ST6GALNAC3: variants seen among roughly 807,000 people sequenced by gnomAD.
ST6GALNAC3 encodes alpha-N-acetylgalactosaminide alpha-2,6-sialyltransferase 3.
A neutral mutation model predicts 32.7 loss-of-function variants in ST6GALNAC3; 25 were observed. That is an observed-to-expected ratio of 0.76 (90% CI 0.56 to 1.07). The LOEUF is 1.07. Ranked by LOEUF, ST6GALNAC3 falls within the 50% of genes least tolerant of loss-of-function variation. The pLI is 0.00. For synonymous variants in ST6GALNAC3, 129 were observed against 133.1 expected, an observed-to-expected ratio of 0.97 and a Z score of 0.21; for missense variants, 355 against 382.4, an observed-to-expected ratio of 0.93 and a Z score of 0.60.
At chr1:76,513,800 C>A (rs1571478068) in intron 3 of ST6GALNAC3, among the ~76,000 whole-genome samples, 1 of 152,116 alleles carries the variant, frequency 6.6e-6, no homozygotes, top group South Asian at 2.1e-4. Flanking sequence ...TATGTGATAT[C>A]TTTCCATTTA....
chr1:76,408,224 G>C (rs897220761), intron 2 of ST6GALNAC3, among the ~76,000 whole-genome samples: 3 of 151,960 alleles, frequency 2.0e-5, no homozygotes, highest in Admixed American at 6.6e-5. Context: ...GCAAGTAAGT[G>C]GTAAAATAGA....
chr1:76,258,773 G>A (rs1658063654), intron 1 of ST6GALNAC3, among the ~76,000 whole-genome samples: 1 of 152,174 alleles, frequency 6.6e-6, no homozygotes, highest in Non-Finnish European at 1.5e-5. Flanking sequence ...AGAAAGCACA[G>A]TGAGCCCAAA....
intron 1 of ST6GALNAC3, among the ~76,000 whole-genome samples, chr1:76,255,746 G>A (rs1245776412): frequency 6.6e-6 from 1 of 152,062 alleles, no homozygotes; most frequent in African/African-American, 2.4e-5. Context: ...GAAACTGTGG[G>A]TGCTTATGCT....
At chr1:76,524,907 T>G (rs911809282) in intron 3 of ST6GALNAC3, among the ~76,000 whole-genome samples, 2 of 151,940 alleles carry the variant, frequency 1.3e-5, no homozygotes, top group Non-Finnish European at 2.9e-5. Context: ...TGATATATAT[T>G]TTGGTTATCT....
intron 2 of ST6GALNAC3, among the ~76,000 whole-genome samples, chr1:76,383,303 C>T (rs4426021): frequency 0.62 from 94,159 of 151,960 alleles, 30,558 homozygotes; most frequent in Non-Finnish European, 0.72. Context: ...CAGAGTCTTG[C>T]TCTGTCACCC....
intron 1 of ST6GALNAC3, among the ~76,000 whole-genome samples, chr1:76,164,303 C>T (rs1651992308): frequency 6.6e-6 from 1 of 152,080 alleles, no homozygotes; most frequent in African/African-American, 2.4e-5. Context: ...ATGTCACTCA[C>T]AGATCATGTA....
chr1:76,080,562 A>G (rs1355464512), intron 1 of ST6GALNAC3, among the ~76,000 whole-genome samples: 1 of 151,820 alleles, frequency 6.6e-6, no homozygotes, highest in African/African-American at 2.4e-5. Context: ...AGGGAAAAAG[A>G]GAAGTGTAGG....
At chr1:76,185,933 TA>T (rs1337161530) in intron 1 of ST6GALNAC3, among the ~76,000 whole-genome samples, 1 of 152,252 alleles carries the variant, frequency 6.6e-6, no homozygotes, top group Non-Finnish European at 1.5e-5. Context: ...GTATTATAAG[TA>T]ATCTAGAGAT....
intron 1 of ST6GALNAC3, among the ~76,000 whole-genome samples, chr1:76,235,530 A>G (rs35232969): frequency 6.6e-6 from 1 of 151,856 alleles, no homozygotes; most frequent in Non-Finnish European, 1.5e-5. Context: ...AAAATAAAAT[A>G]CAATAAAATT....
intron 2 of ST6GALNAC3, among the ~76,000 whole-genome samples, chr1:76,410,217 C>A (rs546549266): frequency 6.6e-6 from 1 of 152,298 alleles, no homozygotes; most frequent in East Asian, 1.9e-4. Context: ...GCCTCAGTAC[C>A]TACTTGGCTC....
At position 76,631,133 on chromosome 1, in the gene ST6GALNAC3, T is replaced by C; in HGVS notation, c.*2327T>C. 2 of 676,888 alleles carry C rather than the reference T, an allele frequency of 3.0e-6. No individual in the cohort carries two copies. Among genetic ancestry groups the C allele is most frequent in the South Asian group, 1.3e-4 (2 of 15,042 alleles). The allele number at this position is 676,888 out of a possible 1,614,324, so 41.9% of individuals were successfully genotyped here. A position where few individuals can be genotyped will look rare whatever the true frequency, so the allele number is the denominator to read the frequency against. ...ATCCCTCACTCTATAGCAGAAGGTG[T>C]GTGTGGAATATGTAGACTCCAGTGT... On this transcript the variant is annotated 3_prime_UTR_variant, in exon 5 of 5. Coordinates refer to ENST00000328299, the MANE Select transcript of ST6GALNAC3 (RefSeq NM_152996.4).
chr1:76,358,065 T>A (rs2101042725), intron 2 of ST6GALNAC3, among the ~76,000 whole-genome samples: 1 of 152,256 alleles, frequency 6.6e-6, no homozygotes, highest in Non-Finnish European at 1.5e-5. Flanking sequence ...CTTCTTTTTT[T>A]AAAAAACCAT....
At chr1:76,198,783 G>A (rs531333366) in intron 1 of ST6GALNAC3, among the ~76,000 whole-genome samples, 1 of 152,140 alleles carries the variant, frequency 6.6e-6, no homozygotes, top group Non-Finnish European at 1.5e-5. Context: ...CCTTGTGACA[G>A]CCAAGTGGAG....
In ST6GALNAC3 at chr1:76,383,321, A is replaced by G. The variant is rs375275375; in HGVS notation, c.214-28687A>G. 3.9e-5 allele frequency among the ~76,000 whole-genome samples: 6 copies of G among 152,108 alleles called. No homozygotes were observed. The East Asian group carries it at 9.6e-4, about 24-fold the overall frequency. The stretch of plus-strand genomic sequence containing the variant: ...AGTCTTGCTCTGTCACCCAGTCTAG[A>G]GTGCAGTGGTATGACCAAAGCTCAC... On this transcript the variant is annotated intron_variant, in intron 2 of 4. Transcript: ENST00000328299.
chr1:76,264,773 A>G (rs1658433621), intron 1 of ST6GALNAC3, among the ~76,000 whole-genome samples: 1 of 152,154 alleles, frequency 6.6e-6, no homozygotes, highest in Non-Finnish European at 1.5e-5. Flanking sequence ...ACCTCTCTGA[A>G]ATAGTAGTAG....
At chr1:76,481,028 G>A (rs1039995497) in intron 3 of ST6GALNAC3, among the ~76,000 whole-genome samples, 1 of 152,046 alleles carries the variant, frequency 6.6e-6, no homozygotes, top group Non-Finnish European at 1.5e-5. Context: ...TCCTGACCTT[G>A]CATCATCATA....
At chr1:76,347,353 A>G (rs536573073) in intron 2 of ST6GALNAC3, among the ~76,000 whole-genome samples, 51 of 152,188 alleles carry the variant, frequency 3.4e-4, no homozygotes, top group South Asian at 2.9e-3. Context: ...CCATCCATTC[A>G]TCCACCCACC....
intron 3 of ST6GALNAC3, among the ~76,000 whole-genome samples, chr1:76,558,220 C>T (rs1264832463): frequency 6.6e-6 from 1 of 152,126 alleles, no homozygotes; most frequent in African/African-American, 2.4e-5. Flanking sequence ...AACTACCTTT[C>T]AACTCAGCAA....
At chr1:76,286,198 T>C (rs1160157744) in intron 1 of ST6GALNAC3, among the ~76,000 whole-genome samples, 2 of 152,166 alleles carry the variant, frequency 1.3e-5, no homozygotes, top group Admixed American at 6.5e-5. Context: ...GATGCTTCTG[T>C]TTACCAGGAT....
Sources: allele counts gnomAD v4.1 joint callset (sites outside exome capture counted in the v4.1 genomes callset), GRCh38; gene constraint gnomAD v4.1.1; transcripts MANE v1.5; gene names NCBI Gene and HGNC (gene_info 2026-07-23, HGNC 2026-07-21).